MYO1E: variants seen among roughly 807,000 people sequenced by gnomAD.
The protein encoded by MYO1E is myosin IE.
MYO1E carries 68 observed loss-of-function variants against 151.1 expected under a neutral mutation model. The ratio of observed to expected loss-of-function variants is 0.45; its 90% CI spans 0.37 to 0.55. MYO1E has a LOEUF of 0.55. Among genes scored for constraint, MYO1E ranks in the 20% least tolerant of loss-of-function variants. MYO1E has a pLI of 0.00. For synonymous variants in MYO1E, 601 were observed against 501.7 expected (o/e 1.20, Z -2.64); for missense variants, 1,363 against 1,389.3 (o/e 0.98, Z 0.30).
In MYO1E at chr15:59,217,994, T is replaced by A. The variant is rs1002149740; in HGVS notation, c.1004A>T (p.Lys335Ile). The A allele has an allele frequency of 6.2e-7, 1 of 1,614,240 alleles. No individual in the cohort carries two copies. Among genetic ancestry groups the A allele is most frequent in the Non-Finnish European group, 8.5e-7 (1 of 1,180,034 alleles). ...GAGGGTCACGTGGATGGATTCGGAT[T>A]TGCCTCCCCACTTGCTATCCATCTG... ...SRQMDSKWGG[K>I]SESIHVTLNV... Residue 335 changes from lysine (K) to isoleucine (I), a missense_variant, in exon 10 of 28, where the codon AAA becomes ATA. By Grantham distance (102) the Lys-to-Ile change is moderately radical (BLOSUM62 -3). Coordinates refer to ENST00000288235, the MANE Select transcript of MYO1E (RefSeq NM_004998.4).
chr15:59,236,506 A>C, intron 5 of MYO1E, 79 bp downstream of exon 5: 1 of 1,289,480 alleles, frequency 7.8e-7, no homozygotes, highest in Non-Finnish European at 1.1e-6. Flanking sequence ...TGTGGAAGAA[A>C]AATTCTTTTC....
chr15:59,151,074 G>C (rs1366135655), intron 26 of MYO1E, among the ~76,000 whole-genome samples: 1 of 151,312 alleles, frequency 6.6e-6, no homozygotes, highest in Non-Finnish European at 1.5e-5. Context: ...CGTGCACTTA[G>C]AGAGAGGTCT....
intron 18 of MYO1E, among the ~76,000 whole-genome samples, chr15:59,182,172 A>C (rs528130744): frequency 2.8e-4 from 43 of 152,220 alleles, no homozygotes; most frequent in African/African-American, 1.0e-3. Flanking sequence ...ATAGAAAAAT[A>C]ATTTCTTTCC....
At chr15:59,148,971 G>C (rs1460437669) in intron 26 of MYO1E, among the ~76,000 whole-genome samples, 2 of 150,832 alleles carry the variant, frequency 1.3e-5, no homozygotes, top group Non-Finnish European at 2.9e-5. Context: ...GTACATTTCA[G>C]TTATAGGAGG....
chr15:59,145,586 T>C (rs2079436499), intron 26 of MYO1E, among the ~76,000 whole-genome samples: 1 of 152,114 alleles, frequency 6.6e-6, no homozygotes, highest in Admixed American at 6.5e-5. Flanking sequence ...GAGATGGGGT[T>C]TCACCCTGTT....
intron 1 of MYO1E, among the ~76,000 whole-genome samples, chr15:59,301,780 G>T (rs2080484155): frequency 6.6e-6 from 1 of 152,176 alleles, no homozygotes; most frequent in African/African-American, 2.4e-5. Flanking sequence ...TGGCCCAGGG[G>T]ATTCTCTTTA....
chr15:59,223,439 G>A (rs1189221783), intron 8 of MYO1E, among the ~76,000 whole-genome samples: 1 of 152,100 alleles, frequency 6.6e-6, no homozygotes, highest in Non-Finnish European at 1.5e-5. Flanking sequence ...TTCTTCTCAC[G>A]TCTCAAAGTC....
chr15:59,212,701 T>C (rs113549233), intron 12 of MYO1E: 2 of 152,256 alleles, frequency 1.3e-5, no homozygotes, highest in African/African-American at 2.4e-5. Context: ...CCAGTCATCA[T>C]GGCAGGGTAT....
chr15:59,325,987 TACG>T (rs1178353777), intron 1 of MYO1E, among the ~76,000 whole-genome samples: 2 of 152,316 alleles, frequency 1.3e-5, no homozygotes, highest in South Asian at 2.1e-4. Flanking sequence ...AAGCAACAGC[TACG>T]ACATTTAAAG....
chr15:59,234,546 A>G (rs777285862), intron 5 of MYO1E, among the ~76,000 whole-genome samples: 6 of 152,224 alleles, frequency 3.9e-5, no homozygotes, highest in Non-Finnish European at 8.8e-5. Flanking sequence ...GGGGCCAGAC[A>G]TGGTGGCTCA....
chr15:59,237,881 C>G (rs958757061), intron 4 of MYO1E, among the ~76,000 whole-genome samples: 2 of 152,044 alleles, frequency 1.3e-5, no homozygotes, highest in African/African-American at 4.8e-5. Context: ...GGCCATATAG[C>G]GAAACTCAGA....
rs138120646 is a variant in MYO1E at position 59,166,308 on chromosome 15, G to C, written c.2481-3005C>G. On this transcript the variant is annotated intron_variant, in intron 22 of 27. Transcript: ENST00000288235. ...TTCTAAAAAGTCAGACTTATCTTTG[G>C]ACTTCACCCCTGACTTATTCCTATG... 4.0e-4 allele frequency among the ~76,000 whole-genome samples: 61 copies of C among 152,266 alleles called. No homozygotes were observed. In the East Asian group the frequency reaches 0.011, roughly 28 times the overall value.
At chr15:59,216,588 G>A (rs866935678) in intron 10 of MYO1E, among the ~76,000 whole-genome samples, 2,835 of 66,666 alleles carry the variant, frequency 0.043, 99 homozygotes, top group African/African-American at 0.12. Flanking sequence ...ATGTGTGTGT[G>A]TGTGTGTATC....
chr15:59,184,691 T>G (rs921057503), intron 18 of MYO1E, among the ~76,000 whole-genome samples: 2 of 152,224 alleles, frequency 1.3e-5, no homozygotes, highest in African/African-American at 2.4e-5. Context: ...CATTTGTCTG[T>G]TGATGGATGC....
At position 59,350,207 on chromosome 15, in the gene MYO1E, TG is replaced by T. The variant is rs1173279219; in HGVS notation, c.3+22290del. 3.9e-5 allele frequency among the ~76,000 whole-genome samples: 6 copies of T among 152,240 alleles called. No homozygotes were observed. The highest frequency in any genetic ancestry group is 1.4e-4 in the African/African-American group (6 of 41,466). On this transcript the variant is annotated intron_variant, in intron 1 of 27. Transcript: ENST00000288235. This position sits in a 1 kb window ranked among gnomAD's most constrained non-coding sequence, Gnocchi z 5.0. ...TTCTACTCAGTTCCAGGAAACAATG[TG>T]GGGAGGAGGGCCTCCTTCCCTGATC...
At chr15:59,305,370 T>C (rs1471788081) in intron 1 of MYO1E, among the ~76,000 whole-genome samples, 1 of 151,996 alleles carries the variant, frequency 6.6e-6, no homozygotes, top group Non-Finnish European at 1.5e-5. Flanking sequence ...ATTTTTTGTA[T>C]TTTTAGTAGA....
chr15:59,324,242 T>C (rs1172411013), intron 1 of MYO1E, among the ~76,000 whole-genome samples: 3 of 152,174 alleles, frequency 2.0e-5, no homozygotes, highest in African/African-American at 4.8e-5. Context: ...GTCCTAGGTC[T>C]GCAAGCATCC....
intron 25 of MYO1E, among the ~76,000 whole-genome samples, chr15:59,157,274 T>C (rs1176601830): frequency 1.3e-5 from 2 of 152,214 alleles, no homozygotes; most frequent in Admixed American, 6.5e-5. Context: ...AACAATTTTG[T>C]AATACTCTCA....
intron 17 of MYO1E, 61 bp downstream of exon 17, chr15:59,195,400 G>A (rs1207158043): frequency 5.7e-6 from 8 of 1,394,784 alleles, no homozygotes; most frequent in South Asian, 4.6e-5. Flanking sequence ...GATGGAGGAC[G>A]GCTCATCTTG....
Sources: allele counts gnomAD v4.1 joint callset (sites outside exome capture counted in the v4.1 genomes callset), GRCh38; gene constraint gnomAD v4.1.1; non-coding constraint Gnocchi (gnomAD v3.1); transcripts MANE v1.5; gene names NCBI Gene and HGNC (gene_info 2026-07-23, HGNC 2026-07-21).